KCNMA1: variants seen among roughly 807,000 people sequenced by gnomAD.
KCNMA1 encodes the protein potassium calcium-activated channel subfamily M alpha 1.
A neutral mutation model predicts 140.0 loss-of-function variants in KCNMA1; 29 were observed. The ratio of observed to expected loss-of-function variants is 0.21; its 90% CI spans 0.15 to 0.28. KCNMA1 has a LOEUF of 0.28. Ranked by LOEUF, KCNMA1 falls within the 10% of genes least tolerant of loss-of-function variation. The probability of loss-of-function intolerance (pLI) is 1.00; values close to 1 mark genes in which losing one functional copy is unlikely to be tolerated. For synonymous variants in KCNMA1, 612 were observed against 611.9 expected (o/e 1.00, Z 0.00); for missense variants, 880 against 1,602.2 (o/e 0.55, Z 7.70).
intron 1 of KCNMA1, among the ~76,000 whole-genome samples, chr10:77,492,986 G>A (rs2040491421): frequency 6.6e-6 from 1 of 152,216 alleles, no homozygotes; most frequent in Admixed American, 6.5e-5. Context: ...TGTGGTCAAA[G>A]CCAGTGAATG....
intron 1 of KCNMA1, among the ~76,000 whole-genome samples, chr10:77,585,458 G>A (rs941851285): frequency 6.6e-6 from 1 of 152,156 alleles, no homozygotes; most frequent in African/African-American, 2.4e-5. Flanking sequence ...TAATGCACAA[G>A]CTATATTACT....
At chr10:77,014,630 T>G (rs573894654) in intron 17 of KCNMA1, among the ~76,000 whole-genome samples, 1 of 152,190 alleles carries the variant, frequency 6.6e-6, no homozygotes, top group Admixed American at 6.5e-5. Context: ...TCTGCTTCTA[T>G]GAGTTTAACT....
intron 2 of KCNMA1, among the ~76,000 whole-genome samples, chr10:77,278,654 C>T (rs954878446): frequency 3.9e-5 from 6 of 152,056 alleles, no homozygotes; most frequent in African/African-American, 1.4e-4. Context: ...ATGCGGTCAC[C>T]AAAAGCAAAG....
intron 14 of KCNMA1, among the ~76,000 whole-genome samples, chr10:77,049,784 A>G (rs2095286100): frequency 6.6e-6 from 1 of 152,118 alleles, no homozygotes; most frequent in African/African-American, 2.4e-5. Flanking sequence ...GCATGGAAAA[A>G]ATTTCTGCAC....
intron 4 of KCNMA1, among the ~76,000 whole-genome samples, chr10:77,183,912 T>C (rs956367680): frequency 1.3e-5 from 2 of 152,220 alleles, no homozygotes; most frequent in Admixed American, 1.3e-4. Context: ...CTATATAGAC[T>C]AACTATATGC....
At chr10:76,982,147 C>A (rs2079697851) in intron 19 of KCNMA1, among the ~76,000 whole-genome samples, 1 of 151,908 alleles carries the variant, frequency 6.6e-6, no homozygotes, top group Admixed American at 6.6e-5. Flanking sequence ...TTTAAAGATG[C>A]ACAATAAGAG....
chr10:76,878,240 C>G (rs2032960726), intron 29 of KCNMA1, among the ~76,000 whole-genome samples: 1 of 152,110 alleles, frequency 6.6e-6, no homozygotes, highest in Admixed American at 6.5e-5. Flanking sequence ...TTGCATATAT[C>G]AGCCATTGGG....
intron 2 of KCNMA1, among the ~76,000 whole-genome samples, chr10:77,277,994 T>A (rs1445161161): frequency 1.3e-5 from 2 of 152,212 alleles, no homozygotes; most frequent in Non-Finnish European, 2.9e-5. Context: ...GAGCTGTTCA[T>A]GCAGCTCAAA....
At chr10:76,897,049 AT>A (rs2042884775) in intron 25 of KCNMA1, among the ~76,000 whole-genome samples, 1 of 116,278 alleles carries the variant, frequency 8.6e-6, no homozygotes, top group African/African-American at 3.5e-5. Flanking sequence ...CACACACACA[AT>A]TAGTGATACG....
At chr10:77,217,448 A>C (rs1206138765) in intron 3 of KCNMA1, 1 of 453,704 alleles carries the variant, frequency 2.2e-6, no homozygotes, top group South Asian at 1.6e-5. Context: ...CCCAACATCA[A>C]CTGGTATGTA....
chr10:77,300,309 C>T (rs1162875260), intron 2 of KCNMA1, among the ~76,000 whole-genome samples: 1 of 152,186 alleles, frequency 6.6e-6, no homozygotes, highest in Admixed American at 6.5e-5. Context: ...GAATTCCAGT[C>T]CCATCACTGA....
chr10:77,275,319 T>C (rs551529690), intron 2 of KCNMA1, among the ~76,000 whole-genome samples: 1 of 152,276 alleles, frequency 6.6e-6, no homozygotes, highest in African/African-American at 2.4e-5. Flanking sequence ...CTCCAGTATC[T>C]GTCTAATACA....
chr10:77,465,941 AAAG>A (rs1391916059), intron 1 of KCNMA1, among the ~76,000 whole-genome samples: 1 of 152,118 alleles, frequency 6.6e-6, no homozygotes, highest in Non-Finnish European at 1.5e-5. Flanking sequence ...GCTAAGAGGG[AAAG>A]AAGAGATCCA....
At chr10:77,316,165 C>T (rs1324884874) in intron 2 of KCNMA1, among the ~76,000 whole-genome samples, 1 of 152,132 alleles carries the variant, frequency 6.6e-6, no homozygotes, top group Non-Finnish European at 1.5e-5. Context: ...CACGTGATAG[C>T]AGACAGGACT....
chr10:77,432,835 C>T (rs537988228), intron 1 of KCNMA1, among the ~76,000 whole-genome samples: 110 of 151,872 alleles, frequency 7.2e-4, no homozygotes, highest in Non-Finnish European at 1.3e-3. Flanking sequence ...TACACCTGGG[C>T]GAGAGAGACT....
intron 2 of KCNMA1, among the ~76,000 whole-genome samples, chr10:77,304,865 T>C (rs2077313124): frequency 1.3e-5 from 2 of 152,198 alleles, no homozygotes. Context: ...CAAAGGCCAT[T>C]GCGGTCCAAG....
intron 1 of KCNMA1, chr10:77,634,269 A>T: frequency 1.0e-6 from 1 of 985,498 alleles, no homozygotes; most frequent in Non-Finnish European, 1.2e-6. Flanking sequence ...AAAGTACAGC[A>T]AAGAACACAG....
chr10:77,528,348 C>T (rs1407718054), intron 1 of KCNMA1, among the ~76,000 whole-genome samples: 3 of 152,188 alleles, frequency 2.0e-5, no homozygotes, highest in Admixed American at 6.5e-5. Flanking sequence ...GTGGTTCATG[C>T]CTGTAATCCC....
rs2097256026 is a variant in KCNMA1 at position 77,108,907 on chromosome 10, AAC to A, written c.1132-337_1132-336del. Among the ~76,000 whole-genome samples, 1 of 152,212 alleles carries A rather than the reference AAC, an allele frequency of 6.6e-6. No individual in the cohort carries two copies. On this transcript the variant is annotated intron_variant, in intron 8 of 27. Transcript: ENST00000286628. The surrounding 1 kb of genome is among the most constrained non-coding windows in gnomAD (Gnocchi z 4.6). ...AGAGGGGGACATGCTAGTGAAACTAAACACACACAGACACATGTGTGCATGCA... is the reference window on the plus strand; with the variant it reads ...AGAGGGGGACATGCTAGTGAAACTAAACACACAGACACATGTGTGCATGCA...
Sources: allele counts gnomAD v4.1 joint callset (sites outside exome capture counted in the v4.1 genomes callset), GRCh38; gene constraint gnomAD v4.1.1; non-coding constraint Gnocchi (gnomAD v3.1); transcripts MANE v1.5; gene names NCBI Gene and HGNC (gene_info 2026-07-23, HGNC 2026-07-21).